Variants in RAPGEF4 observed in about 807,000 individuals in gnomAD.
The protein encoded by RAPGEF4 is RAP guanine-nucleotide-exchange factor (GEF) 4.
RAPGEF4 carries 66 observed loss-of-function variants against 147.9 expected under a neutral mutation model. The observed-to-expected ratio is 0.45, with a 90% CI of 0.37 to 0.55. The LOEUF (loss-of-function observed/expected upper bound fraction) is 0.55, where lower values mean the gene tolerates loss of function less well. Among genes scored for constraint, RAPGEF4 ranks in the 20% least tolerant of loss-of-function variants. The pLI is 0.00. For synonymous variants in RAPGEF4, 419 were observed against 442.7 expected (o/e 0.95, Z 0.67); for missense variants, 1,071 against 1,257.3 (o/e 0.85, Z 2.24).
At chr2:172,995,894 T>C (rs975939226) in intron 15 of RAPGEF4, among the ~76,000 whole-genome samples, 2 of 152,244 alleles carry the variant, frequency 1.3e-5, no homozygotes, top group Non-Finnish European at 2.9e-5. Flanking sequence ...CATGATCTAC[T>C]GGGGTTTGTT....
chr2:172,835,157 G>A (rs1284782901), intron 4 of RAPGEF4, among the ~76,000 whole-genome samples: 1 of 152,232 alleles, frequency 6.6e-6, no homozygotes, highest in Non-Finnish European at 1.5e-5. Flanking sequence ...CTAAGCAAGA[G>A]TAAATAGACC....
At chr2:172,817,377 C>A (rs1403273290) in intron 4 of RAPGEF4, among the ~76,000 whole-genome samples, 3 of 152,066 alleles carry the variant, frequency 2.0e-5, no homozygotes, top group South Asian at 2.1e-4. Flanking sequence ...ATTTGATAAC[C>A]AGAACGCCTA....
chr2:172,778,445 C>T (rs1684379838), intron 1 of RAPGEF4, among the ~76,000 whole-genome samples: 1 of 152,100 alleles, frequency 6.6e-6, no homozygotes, highest in South Asian at 2.1e-4. Flanking sequence ...AATTAAGCAC[C>T]CCCCTCCCCA....
chr2:172,800,473 A>G lies in RAPGEF4; in HGVS notation c.297+2860A>G, dbSNP rs148496486. Among the ~76,000 whole-genome samples, 140 of 152,348 alleles carry G rather than the reference A, an allele frequency of 9.2e-4. 2 individuals are homozygous for G. In the East Asian group the frequency reaches 0.016, roughly 18 times the overall value. ...ATGGGCTCTGGGTCTCTGCCCACTA[A>G]CAATGTGGTAAATCAGGGGGATTGT... is the stretch of plus-strand genomic sequence containing the variant. On this transcript the variant is annotated intron_variant, in intron 3 of 30. Coordinates refer to ENST00000397081, the MANE Select transcript of RAPGEF4 (RefSeq NM_007023.4).
At chr2:173,009,959 A>T (rs1004392508) in intron 17 of RAPGEF4, among the ~76,000 whole-genome samples, 2 of 152,208 alleles carry the variant, frequency 1.3e-5, no homozygotes, top group Non-Finnish European at 2.9e-5. Flanking sequence ...ATGTTTGCAT[A>T]AAGAAAGTAA....
chr2:172,760,717 CAA>C (rs768839615), intron 1 of RAPGEF4, among the ~76,000 whole-genome samples: 13 of 74,176 alleles, frequency 1.8e-4, no homozygotes, highest in African/African-American at 1.5e-4. Context: ...GACTCCATCT[CAA>C]AAAAAAAAAA....
At chr2:172,972,223 TG>T (rs1690569355) in intron 10 of RAPGEF4, among the ~76,000 whole-genome samples, 1 of 152,186 alleles carries the variant, frequency 6.6e-6, no homozygotes, top group Non-Finnish European at 1.5e-5. Flanking sequence ...TGAGAGCCTG[TG>T]TATTGTGTCT....
intron 4 of RAPGEF4, among the ~76,000 whole-genome samples, chr2:172,871,663 G>T (rs996892820): frequency 1.4e-5 from 2 of 139,906 alleles, no homozygotes; most frequent in Admixed American, 1.5e-4. Flanking sequence ...AATTCTAAAA[G>T]AGTTACAACA....
intron 8 of RAPGEF4, among the ~76,000 whole-genome samples, chr2:172,961,544 A>G (rs1689297928): frequency 6.6e-6 from 1 of 152,308 alleles, no homozygotes; most frequent in South Asian, 2.1e-4. Flanking sequence ...TTCAACCAAC[A>G]TTGACTGCAC....
At chr2:172,873,634 A>G (rs745454233) in intron 4 of RAPGEF4, among the ~76,000 whole-genome samples, 6 of 152,220 alleles carry the variant, frequency 3.9e-5, no homozygotes, top group African/African-American at 7.2e-5. Flanking sequence ...GGACATAGGC[A>G]TGGACAAAAA....
intron 4 of RAPGEF4, among the ~76,000 whole-genome samples, chr2:172,841,840 T>TAC (rs869199353): frequency 7.9e-5 from 5 of 63,512 alleles, no homozygotes; most frequent in Admixed American, 5.6e-4. Flanking sequence ...ACACACACAC[T>TAC]ACACACACAC....
At position 173,039,173 on chromosome 2, in the gene RAPGEF4, G is replaced by A. The variant is rs539380404; in HGVS notation, c.2853+2481G>A. Among the ~76,000 whole-genome samples the A allele has an allele frequency of 2.0e-5, 3 of 152,208 alleles. No individual in the cohort carries two copies. In the South Asian group the frequency reaches 6.2e-4, roughly 32 times the overall value. Reference sequence around the variant, plus strand: ...ATTTCTTTCTCACTTAAAAGTTCAAGCAGGCCAGGTGTGGTGGCTCACGCC... The same window carrying A: ...ATTTCTTTCTCACTTAAAAGTTCAAACAGGCCAGGTGTGGTGGCTCACGCC... On this transcript the variant is annotated intron_variant, in intron 29 of 30. Coordinates refer to ENST00000397081, the MANE Select transcript of RAPGEF4 (RefSeq NM_007023.4).
rs779341732 is a variant in RAPGEF4 at position 173,026,704 on chromosome 2, T to C, written c.2379+7T>C. 34 of 1,613,294 alleles carry C rather than the reference T, an allele frequency of 2.1e-5. No individual in the cohort carries two copies. The highest frequency in any genetic ancestry group is 2.7e-5 in the Non-Finnish European group (32 of 1,179,820). Reference sequence around the variant, plus strand: ...CTTCAACTGCGTGCATGAGGTAAGATGCAGGATCAGATGTGTTAGTAGCTG... The same window carrying C: ...CTTCAACTGCGTGCATGAGGTAAGACGCAGGATCAGATGTGTTAGTAGCTG... On this transcript the variant is annotated splice_region_variant and intron_variant, in intron 24 of 30. Transcript: ENST00000397081.
intron 4 of RAPGEF4, among the ~76,000 whole-genome samples, chr2:172,816,032 A>G (rs1431316733): frequency 6.6e-6 from 1 of 152,154 alleles, no homozygotes; most frequent in Non-Finnish European, 1.5e-5. Context: ...CATATAACAT[A>G]TCACCCTAAA....
intron 3 of RAPGEF4, among the ~76,000 whole-genome samples, chr2:172,808,658 A>T (rs1213588977): frequency 6.6e-6 from 1 of 152,144 alleles, no homozygotes; most frequent in Non-Finnish European, 1.5e-5. Flanking sequence ...GACTCTGTGT[A>T]TTACTTTATT....
At chr2:172,755,592 C>T (rs1695693196) in intron 1 of RAPGEF4, among the ~76,000 whole-genome samples, 1 of 152,158 alleles carries the variant, frequency 6.6e-6, no homozygotes, top group Non-Finnish European at 1.5e-5. Flanking sequence ...GACAGGGTTT[C>T]ACCGTGTTGG....
intron 4 of RAPGEF4, chr2:172,889,807 A>C: frequency 1.0e-6 from 1 of 980,058 alleles, no homozygotes. Flanking sequence ...AGTCAATGTC[A>C]GTATTTAAAC....
intron 23 of RAPGEF4, among the ~76,000 whole-genome samples, chr2:173,023,460 T>A (rs1696315456): frequency 6.6e-6 from 1 of 152,190 alleles, no homozygotes; most frequent in African/African-American, 2.4e-5. Flanking sequence ...AAGGAGGCGC[T>A]TCCTCTGGGG....
intron 5 of RAPGEF4, 75 bp from the exon 6 acceptor site, chr2:172,922,206 A>G (rs989054002): frequency 1.4e-6 from 2 of 1,449,240 alleles, no homozygotes; most frequent in Non-Finnish European, 1.9e-6. Context: ...GGTTTGGTTC[A>G]GCAAAATTTC....
Sources: allele counts gnomAD v4.1 joint callset (sites outside exome capture counted in the v4.1 genomes callset), GRCh38; gene constraint gnomAD v4.1.1; transcripts MANE v1.5; gene names NCBI Gene and HGNC (gene_info 2026-07-23, HGNC 2026-07-21).